The following CDH12 variants were observed in gnomAD, a reference collection of about 807,000 sequenced individuals.
CDH12 encodes the protein cadherin-12.
Under a neutral mutation model 74.1 loss-of-function variants are expected in CDH12, and 41 were observed. That is an observed-to-expected ratio of 0.55 (90% confidence interval 0.43 to 0.72). CDH12 has a LOEUF of 0.72. Ranked by LOEUF, CDH12 falls within the 30% of genes least tolerant of loss-of-function variation. CDH12 has a pLI of 0.00. For synonymous variants in CDH12, 399 were observed against 355.0 expected (o/e 1.12, Z -1.39); for missense variants, 945 against 977.2 (o/e 0.97, Z 0.44).
intron 1 of CDH12, among the ~76,000 whole-genome samples, chr5:22,672,592 A>G (rs1051905541): frequency 6.6e-6 from 1 of 152,134 alleles, no homozygotes; most frequent in African/African-American, 2.4e-5. Flanking sequence ...TGCTGTCCCC[A>G]TGCTCTTGGA....
intron 4 of CDH12, among the ~76,000 whole-genome samples, chr5:22,098,291 C>T (rs1204332115): frequency 1.3e-5 from 2 of 152,064 alleles, no homozygotes; most frequent in Non-Finnish European, 2.9e-5. Context: ...AATAAAAACA[C>T]ATGTGCTCTC....
chr5:22,030,178 T>A (rs1738716007), intron 5 of CDH12, among the ~76,000 whole-genome samples: 2 of 151,798 alleles, frequency 1.3e-5, no homozygotes, highest in Non-Finnish European at 2.9e-5. Context: ...GATGAGTTAA[T>A]GGGTGCAACA....
At chr5:22,374,143 A>G (rs530361063) in intron 3 of CDH12, among the ~76,000 whole-genome samples, 4 of 152,304 alleles carry the variant, frequency 2.6e-5, no homozygotes, top group Non-Finnish European at 5.9e-5. Flanking sequence ...TAGGAATGCC[A>G]AAATGGTTCA....
intron 3 of CDH12, among the ~76,000 whole-genome samples, chr5:22,372,157 G>A (rs573899229): frequency 6.6e-6 from 1 of 152,230 alleles, no homozygotes; most frequent in East Asian, 1.9e-4. Context: ...TTCTAGAGGA[G>A]GGAAATCCAA....
At chr5:22,674,564 GT>G in intron 1 of CDH12, among the ~76,000 whole-genome samples, 1 of 152,330 alleles carries the variant, frequency 6.6e-6, no homozygotes, top group Non-Finnish European at 1.5e-5. Context: ...AAATGTGGAA[GT>G]GACTTTAGAA....
At chr5:21,919,427 C>T (rs7730479) in intron 6 of CDH12, among the ~76,000 whole-genome samples, 14,736 of 151,896 alleles carry the variant, frequency 0.097, 983 homozygotes, top group Non-Finnish European at 0.14. Context: ...ATGTTTTTAT[C>T]GGACACAAAA....
chr5:22,557,640 A>G (rs1291676136), intron 1 of CDH12, among the ~76,000 whole-genome samples: 1 of 152,094 alleles, frequency 6.6e-6, no homozygotes, highest in Non-Finnish European at 1.5e-5. Flanking sequence ...CCATCTGTAT[A>G]TAGCATATTT....
rs958045772 is a variant in CDH12, at chr5:22,735,331, G to T, written c.-523+117727C>A. ...AGAAACTAGCCATTTAATGATACAG[G>T]GTTACCCTTCAGAAGGTCTTACTTG... On this transcript the variant is annotated intron_variant, in intron 1 of 14. Coordinates refer to ENST00000382254, the MANE Select transcript of CDH12 (RefSeq NM_004061.5). 2.0e-5 allele frequency among the ~76,000 whole-genome samples: 3 copies of T among 151,688 alleles called. No homozygotes were observed. In the East Asian group the frequency reaches 5.8e-4, roughly 29 times the overall value.
At chr5:22,556,619 T>A (rs2126741995) in intron 1 of CDH12, among the ~76,000 whole-genome samples, 1 of 152,204 alleles carries the variant, frequency 6.6e-6, no homozygotes, top group Admixed American at 6.6e-5. Flanking sequence ...ATACGTTAAA[T>A]AATTTTTAAA....
chr5:22,653,815 T>G (rs1162524268), intron 1 of CDH12, among the ~76,000 whole-genome samples: 8 of 152,222 alleles, frequency 5.3e-5, no homozygotes, highest in Non-Finnish European at 1.2e-4. Context: ...GCATTCTACT[T>G]ATTGAAGCTT....
chr5:21,887,601 G>T (rs1395191468), intron 6 of CDH12, among the ~76,000 whole-genome samples: 1 of 152,070 alleles, frequency 6.6e-6, no homozygotes, highest in Non-Finnish European at 1.5e-5. Context: ...CTATCATTTT[G>T]CACTTACACT....
Position 22,294,424 on chromosome 5 carries a change from C to A in CDH12, c.-332-81781G>T, listed in dbSNP as rs117976683. Among the ~76,000 whole-genome samples, 102 of 152,254 alleles carry A rather than the reference C, an allele frequency of 6.7e-4. 1 individual carries two copies. The East Asian group carries it at 0.016, about 24-fold the overall frequency. ...TACCCCCCAGACACAGGGCCTATAT[C>A]CATAAAGAAAGTGTATATGTGCTTC... is the stretch of plus-strand genomic sequence containing the variant. On this transcript the variant is annotated intron_variant, in intron 3 of 14. Transcript: ENST00000382254.
intron 6 of CDH12, among the ~76,000 whole-genome samples, chr5:21,928,607 G>T (rs112218299): frequency 6.6e-6 from 1 of 152,132 alleles, no homozygotes; most frequent in Non-Finnish European, 1.5e-5. Flanking sequence ...AGCCATTTGT[G>T]TCACTGTTTT....
chr5:21,864,267 A>T (rs1751208943), intron 6 of CDH12, among the ~76,000 whole-genome samples: 1 of 152,088 alleles, frequency 6.6e-6, no homozygotes, highest in African/African-American at 2.4e-5. Context: ...CTGGTAAAGC[A>T]CTACTCCTCG....
intron 4 of CDH12, among the ~76,000 whole-genome samples, chr5:22,120,545 A>G (rs1745448302): frequency 6.6e-6 from 1 of 152,182 alleles, no homozygotes; most frequent in Admixed American, 6.5e-5. Context: ...TAGATTTTAC[A>G]TTATTTTTGA....
intron 1 of CDH12, among the ~76,000 whole-genome samples, chr5:22,635,442 C>T (rs540308800): frequency 9.9e-5 from 15 of 152,186 alleles, no homozygotes; most frequent in Admixed American, 8.5e-4. Context: ...GCAATGGTTT[C>T]TTAGATAGGA....
At chr5:22,126,039 C>A (rs1172851976) in intron 4 of CDH12, among the ~76,000 whole-genome samples, 1 of 148,874 alleles carries the variant, frequency 6.7e-6, no homozygotes, top group Non-Finnish European at 1.5e-5. Flanking sequence ...TTAATATTGT[C>A]CTTTTTTTCT....
intron 1 of CDH12, among the ~76,000 whole-genome samples, chr5:22,546,358 G>A (rs1444845674): frequency 6.6e-6 from 1 of 152,172 alleles, no homozygotes; most frequent in Non-Finnish European, 1.5e-5. Context: ...AATTGCAAAA[G>A]CAATACCAGC....
At chr5:22,547,440 A>G (rs1738383254) in intron 1 of CDH12, among the ~76,000 whole-genome samples, 2 of 152,308 alleles carry the variant, frequency 1.3e-5, no homozygotes, top group South Asian at 4.1e-4. Context: ...TCCTCAATGA[A>G]AAATGTATTT....
Sources: allele counts gnomAD v4.1 joint callset (sites outside exome capture counted in the v4.1 genomes callset), GRCh38; gene constraint gnomAD v4.1.1; transcripts MANE v1.5; gene names NCBI Gene and HGNC (gene_info 2026-07-23, HGNC 2026-07-21).